XYLT1: variants seen among roughly 807,000 people sequenced by gnomAD.
XYLT1 encodes xylosyltransferase 1.
Under a neutral mutation model 91.3 loss-of-function variants are expected in XYLT1, and 36 were observed. That is an observed-to-expected ratio of 0.39 (90% CI 0.30 to 0.52). The LOEUF is 0.52. XYLT1 is among the 20% of genes least tolerant of loss of function. The pLI, the probability that XYLT1 is intolerant of heterozygous loss-of-function variation, is 0.68. For missense variants in XYLT1, 1,242 were observed against 1,284.5 expected (o/e 0.97, Z 0.51); for synonymous variants, 588 against 532.0 (o/e 1.11, Z -1.45).
chr16:17,140,384 G>C (rs1254169126), intron 7 of XYLT1, among the ~76,000 whole-genome samples: 1 of 152,100 alleles, frequency 6.6e-6, no homozygotes, highest in Non-Finnish European at 1.5e-5. Context: ...GTGGCGGCCG[G>C]GCATGGTGGC....
chr16:17,213,166 G>A (rs1352347295), intron 3 of XYLT1, among the ~76,000 whole-genome samples: 1 of 152,138 alleles, frequency 6.6e-6, no homozygotes, highest in African/African-American at 2.4e-5. Context: ...GTTCTCTAGA[G>A]ATCTGCGTGT....
intron 2 of XYLT1, among the ~76,000 whole-genome samples, chr16:17,304,498 G>A (rs2034444072): frequency 6.6e-6 from 1 of 151,974 alleles, no homozygotes; most frequent in African/African-American, 2.4e-5. Flanking sequence ...ACCGCGCAGG[G>A]GAGGGTGTTA....
chr16:17,469,273 A>C (rs2141968326), intron 1 of XYLT1, among the ~76,000 whole-genome samples: 1 of 152,354 alleles, frequency 6.6e-6, no homozygotes, highest in South Asian at 2.1e-4. Context: ...TTCAGTCTTC[A>C]GGATCCTGAA....
intron 1 of XYLT1, among the ~76,000 whole-genome samples, chr16:17,418,772 C>T (rs140702832): frequency 6.6e-6 from 1 of 151,692 alleles, no homozygotes; most frequent in Non-Finnish European, 1.5e-5. Context: ...CGCTTGAGAC[C>T]TGGACATTGA....
chr16:17,243,474 T>C (rs891900166), intron 3 of XYLT1, among the ~76,000 whole-genome samples: 5 of 152,094 alleles, frequency 3.3e-5, no homozygotes, highest in African/African-American at 1.2e-4. Flanking sequence ...AAAAAGGGGC[T>C]CCATTACTAA....
intron 7 of XYLT1, 136 bp from the exon 8 acceptor site, chr16:17,138,667 G>T: frequency 2.0e-6 from 2 of 1,019,004 alleles, no homozygotes; most frequent in Non-Finnish European, 2.8e-6. Flanking sequence ...CTCATCAGAA[G>T]CTGGGCGGCT....
intron 1 of XYLT1, among the ~76,000 whole-genome samples, chr16:17,431,352 G>A (rs1418928092): frequency 2.0e-5 from 3 of 152,172 alleles, no homozygotes; most frequent in East Asian, 3.8e-4. Flanking sequence ...CGGGAGTGGG[G>A]CTTGAGATTC....
At chr16:17,258,164 A>T (rs2033664822) in intron 3 of XYLT1, among the ~76,000 whole-genome samples, 1 of 151,880 alleles carries the variant, frequency 6.6e-6, no homozygotes. Context: ...GAAAGAAGGA[A>T]GGAAGGAAGG....
At position 17,108,646 on chromosome 16, in the gene XYLT1, G is replaced by A. The variant is rs1441749794; in HGVS notation, c.*49C>T. The A allele has an allele frequency of 2.2e-5, 33 of 1,501,650 alleles. No homozygotes were observed. The highest frequency in any genetic ancestry group is 2.9e-5 in the Non-Finnish European group (33 of 1,125,804). The allele number at this position is 1,501,650 out of a possible 1,614,324, so 93.0% of individuals were successfully genotyped here. A position where few individuals can be genotyped will look rare whatever the true frequency, so the allele number is the denominator to read the frequency against. On this transcript the variant is annotated 3_prime_UTR_variant, in exon 12 of 12. Transcript: ENST00000261381. ...GGGTTCAGGCCCCACAACCCCTCTG[G>A]CTGCTTTCCCGTTGAGATCCTGCTG...
At chr16:17,390,152 T>C (rs999739043) in intron 1 of XYLT1, among the ~76,000 whole-genome samples, 1 of 152,178 alleles carries the variant, frequency 6.6e-6, no homozygotes, top group Admixed American at 6.5e-5. Flanking sequence ...CCGAACATCA[T>C]TTCCATTAGC....
At chr16:17,391,230 A>T (rs2035815637) in intron 1 of XYLT1, among the ~76,000 whole-genome samples, 1 of 151,980 alleles carries the variant, frequency 6.6e-6, no homozygotes, top group Admixed American at 6.6e-5. Flanking sequence ...TTTATTTAAC[A>T]CTTGATATGA....
At chr16:17,116,147 G>A (rs149184083) in intron 11 of XYLT1, among the ~76,000 whole-genome samples, 2 of 152,272 alleles carry the variant, frequency 1.3e-5, no homozygotes, top group African/African-American at 4.8e-5. Flanking sequence ...TTTCTCTAGA[G>A]GTAGGATTTG....
chr16:17,338,630 T>C (rs181063864), intron 2 of XYLT1: 2 of 374,594 alleles, frequency 5.3e-6, no homozygotes, highest in East Asian at 7.4e-5. Context: ...ACATTCACCC[T>C]TTTTTTTGGG....
intron 1 of XYLT1, among the ~76,000 whole-genome samples, chr16:17,447,328 C>G (rs4781979): frequency 0.11 from 17,426 of 152,210 alleles, 1,071 homozygotes; most frequent in Middle Eastern, 0.16. Flanking sequence ...TCCCAGCCCA[C>G]GTGATACATT....
chr16:17,337,742 C>T (rs2035002152), intron 2 of XYLT1, among the ~76,000 whole-genome samples: 1 of 150,756 alleles, frequency 6.6e-6, no homozygotes, highest in Non-Finnish European at 1.5e-5. Flanking sequence ...CTTATTTTTT[C>T]CTGAGTCCTA....
intron 1 of XYLT1, among the ~76,000 whole-genome samples, chr16:17,444,019 G>C (rs912806081): frequency 2.0e-5 from 3 of 151,932 alleles, no homozygotes; most frequent in Non-Finnish European, 4.4e-5. Context: ...TGACCACCAG[G>C]CACACTGGCC....
intron 1 of XYLT1, among the ~76,000 whole-genome samples, chr16:17,404,550 T>C (rs569132990): frequency 5.9e-5 from 9 of 152,260 alleles, no homozygotes; most frequent in African/African-American, 1.2e-4. Flanking sequence ...ACATGGTGCA[T>C]AGGAAGCAAA....
chr16:17,197,121 C>T (rs907472531), intron 5 of XYLT1, among the ~76,000 whole-genome samples: 4 of 151,194 alleles, frequency 2.6e-5, no homozygotes, highest in Non-Finnish European at 5.9e-5. Context: ...AGGATCACCA[C>T]GATCTGGCCT....
intron 3 of XYLT1, among the ~76,000 whole-genome samples, chr16:17,202,057 T>C (rs1183127107): frequency 6.6e-6 from 1 of 152,190 alleles, no homozygotes; most frequent in Non-Finnish European, 1.5e-5. Flanking sequence ...CAAAGACTCC[T>C]CTCTTTCTTT....
Sources: gnomAD v4.1 joint callset for allele counts (sites outside exome capture counted in the v4.1 genomes callset) on GRCh38, gnomAD v4.1.1 for gene constraint, MANE v1.5 for transcripts, NCBI Gene and HGNC (gene_info 2026-07-23, HGNC 2026-07-21) for gene names.